The following INPP4B variants were observed in gnomAD, a reference collection of about 807,000 sequenced individuals.
INPP4B encodes inositol polyphosphate-4-phosphatase type II B.
Under a neutral mutation model 122.5 loss-of-function variants are expected in INPP4B, and 55 were observed. The observed-to-expected ratio is 0.45, with a 90% CI of 0.36 to 0.56. The LOEUF is 0.56. INPP4B is among the 20% of genes least tolerant of loss of function. The probability of loss-of-function intolerance (pLI) is 0.00; values close to 1 mark genes in which losing one functional copy is unlikely to be tolerated. For synonymous variants in INPP4B, 403 were observed against 388.7 expected, an observed-to-expected ratio of 1.04 and a Z score of -0.43; for missense variants, 1,000 against 1,097.7, an observed-to-expected ratio of 0.91 and a Z score of 1.26.
At chr4:142,345,415 AAGACAGTG>A (rs1779984240) in intron 7 of INPP4B, among the ~76,000 whole-genome samples, 2 of 152,014 alleles carry the variant, frequency 1.3e-5, no homozygotes, top group Admixed American at 6.6e-5. Context: ...AAGCATTTGA[AAGACAGTG>A]ACAACAAAAT....
At chr4:142,752,273 C>T (rs13133396) in intron 1 of INPP4B, among the ~76,000 whole-genome samples, 4,074 of 152,142 alleles carry the variant, frequency 0.027, 60 homozygotes, top group South Asian at 0.05. Context: ...AGGTGCCTCA[C>T]AGGCAAGGGG....
At position 142,469,865 on chromosome 4, in the gene INPP4B, G is replaced by A. The variant is rs1052510233; in HGVS notation, c.-190-7139C>T. ...GACTCCAAGGTTGCATATAGATAGC[G>A]AACCTAAACCCAATGTATAATAAAG... On this transcript the variant is annotated intron_variant, in intron 2 of 25. Transcript: ENST00000262992. Among the ~76,000 whole-genome samples the A allele has an allele frequency of 3.9e-5, 6 of 152,108 alleles. No homozygotes were observed. The East Asian group carries it at 5.8e-4, about 15-fold the overall frequency.
At chr4:142,092,900 C>G (rs1780199333) in intron 23 of INPP4B, among the ~76,000 whole-genome samples, 1 of 152,164 alleles carries the variant, frequency 6.6e-6, no homozygotes, top group African/African-American at 2.4e-5. Flanking sequence ...AAACATAGTT[C>G]TACATTCTTC....
intron 2 of INPP4B, among the ~76,000 whole-genome samples, chr4:142,574,817 G>A (rs972648553): frequency 2.6e-5 from 4 of 152,000 alleles, no homozygotes; most frequent in Non-Finnish European, 5.9e-5. Context: ...GTGGTGCCCT[G>A]CCTTCAGCTG....
At chr4:142,818,525 G>A (rs1367183131) in intron 1 of INPP4B, among the ~76,000 whole-genome samples, 1 of 151,914 alleles carries the variant, frequency 6.6e-6, no homozygotes, top group Non-Finnish European at 1.5e-5. Context: ...ATCAAAATTT[G>A]AATAAAGTAA....
chr4:142,709,130 G>A (rs191830281), intron 2 of INPP4B, among the ~76,000 whole-genome samples: 6 of 152,260 alleles, frequency 3.9e-5, no homozygotes, highest in Admixed American at 2.0e-4. Context: ...GGCCTGTAGT[G>A]CCTTTGTTTT....
chr4:142,323,876 A>G (rs1269392866), intron 7 of INPP4B, among the ~76,000 whole-genome samples: 2 of 152,016 alleles, frequency 1.3e-5, no homozygotes, highest in Non-Finnish European at 2.9e-5. Context: ...TCTTCAATCA[A>G]GTCAGAGATT....
At chr4:142,778,655 A>G (rs1453888825) in intron 1 of INPP4B, among the ~76,000 whole-genome samples, 1 of 152,102 alleles carries the variant, frequency 6.6e-6, no homozygotes, top group Non-Finnish European at 1.5e-5. Flanking sequence ...TGGGGGTTGG[A>G]AGGAGATATT....
intron 2 of INPP4B, among the ~76,000 whole-genome samples, chr4:142,653,452 G>C (rs927213628): frequency 6.6e-6 from 1 of 151,944 alleles, no homozygotes; most frequent in African/African-American, 2.4e-5. Context: ...CTGAATGGGA[G>C]AAAATTTTTG....
intron 3 of INPP4B, among the ~76,000 whole-genome samples, chr4:142,460,998 C>T (rs1816625414): frequency 6.6e-6 from 1 of 152,002 alleles, no homozygotes; most frequent in Non-Finnish European, 1.5e-5. Flanking sequence ...AGGAAACATG[C>T]TGAAACTCCA....
At chr4:142,029,296 G>T in intron 25 of INPP4B, 8 of 986,130 alleles carry the variant, frequency 8.1e-6, no homozygotes, top group Non-Finnish European at 9.6e-6. Flanking sequence ...CCCTAAGGAT[G>T]CAGGTTCTAG....
At chr4:142,334,036 C>A (rs559863573) in intron 7 of INPP4B, among the ~76,000 whole-genome samples, 1 of 152,284 alleles carries the variant, frequency 6.6e-6, no homozygotes, top group Admixed American at 6.5e-5. Flanking sequence ...TCCCCTCAGC[C>A]CCTGCCAAAT....
intron 7 of INPP4B, among the ~76,000 whole-genome samples, chr4:142,333,010 CAAAAAAA>C (rs1158290884): frequency 4.6e-5 from 2 of 43,442 alleles, no homozygotes; most frequent in Non-Finnish European, 1.0e-4. Context: ...GACTCCGTCT[CAAAAAAA>C]AAAAAAAAAA....
At chr4:142,818,531 A>T (rs1298923974) in intron 1 of INPP4B, among the ~76,000 whole-genome samples, 4 of 152,204 alleles carry the variant, frequency 2.6e-5, no homozygotes, top group Non-Finnish European at 5.9e-5. Flanking sequence ...ATTTGAATAA[A>T]GTAAATAATA....
chr4:142,357,643 T>C (rs894547305), intron 7 of INPP4B, among the ~76,000 whole-genome samples: 2 of 151,832 alleles, frequency 1.3e-5, no homozygotes, highest in Non-Finnish European at 2.9e-5. Flanking sequence ...TTCATCAACA[T>C]GAGTACTGAA....
At chr4:142,115,954 G>T (rs1011845149) in intron 21 of INPP4B, among the ~76,000 whole-genome samples, 7 of 152,036 alleles carry the variant, frequency 4.6e-5, no homozygotes, top group African/African-American at 1.4e-4. Flanking sequence ...TCAAAATAAA[G>T]GGATGGAGGA....
At chr4:142,626,085 T>C (rs1186910536) in intron 2 of INPP4B, among the ~76,000 whole-genome samples, 2 of 152,300 alleles carry the variant, frequency 1.3e-5, no homozygotes, top group East Asian at 3.9e-4. Flanking sequence ...AAGGACTTCA[T>C]GTCTGAAACA....
chr4:142,632,679 A>G (rs906582394), intron 2 of INPP4B, among the ~76,000 whole-genome samples: 6 of 152,096 alleles, frequency 3.9e-5, no homozygotes, highest in Non-Finnish European at 4.4e-5. Context: ...TGATAATAGC[A>G]TATACTAAAA....
intron 1 of INPP4B, among the ~76,000 whole-genome samples, chr4:142,765,219 A>C (rs1445360230): frequency 6.6e-6 from 1 of 152,148 alleles, no homozygotes; most frequent in African/African-American, 2.4e-5. Flanking sequence ...AAGGCAATGA[A>C]GATATTGAAG....
Sources: gnomAD v4.1 joint callset for allele counts (sites outside exome capture counted in the v4.1 genomes callset) on GRCh38, gnomAD v4.1.1 for gene constraint, MANE v1.5 for transcripts, NCBI Gene and HGNC (gene_info 2026-07-23, HGNC 2026-07-21) for gene names.